HMGCLL1: variants seen among roughly 807,000 people sequenced by gnomAD.
HMGCLL1 encodes 3-hydroxy-3-methylglutaryl-CoA lyase like 1.
HMGCLL1 carries 36 observed loss-of-function variants against 39.1 expected under a neutral mutation model. That is an observed-to-expected ratio of 0.92 (90% confidence interval 0.71 to 1.22). HMGCLL1 has a LOEUF of 1.22. Among genes scored for constraint, HMGCLL1 ranks in the 50% most tolerant of loss-of-function variants. The pLI is 0.00. For synonymous variants in HMGCLL1, 149 were observed against 144.0 expected, an observed-to-expected ratio of 1.03 and a Z score of -0.25; for missense variants, 451 against 416.5, an observed-to-expected ratio of 1.08 and a Z score of -0.72.
At chr6:55,564,599 C>T (rs1581955476) in intron 1 of HMGCLL1, among the ~76,000 whole-genome samples, 1 of 152,066 alleles carries the variant, frequency 6.6e-6, no homozygotes, top group Non-Finnish European at 1.5e-5. Flanking sequence ...CAGAAGTTAT[C>T]CAAGAATTTT....
upstream of HMGCLL1, among the ~76,000 whole-genome samples, chr6:55,580,151 A>G (rs1771948818): frequency 6.6e-6 from 1 of 151,958 alleles, no homozygotes; most frequent in Non-Finnish European, 1.5e-5. Context: ...TAGTATAAAC[A>G]CACAGAAGAA....
the HMGCLL1 span, among the ~76,000 whole-genome samples, chr6:55,604,288 G>A: frequency 6.6e-6 from 1 of 151,898 alleles, no homozygotes; most frequent in Non-Finnish European, 1.5e-5. Context: ...ATTAGTTTGA[G>A]GAAAAGAAAA....
chr6:55,628,906 A>T, the HMGCLL1 span, among the ~76,000 whole-genome samples: 1 of 152,122 alleles, frequency 6.6e-6, no homozygotes, highest in Non-Finnish European at 1.5e-5. Context: ...CTCCTCAGTC[A>T]TGTGGAACTG....
At chr6:55,530,567 T>G (rs1768604898) in intron 3 of HMGCLL1, among the ~76,000 whole-genome samples, 1 of 152,082 alleles carries the variant, frequency 6.6e-6, no homozygotes, top group Non-Finnish European at 1.5e-5. Context: ...TGTTTTTGAT[T>G]TACAGGCATA....
At chr6:55,644,126 T>C in the HMGCLL1 span, among the ~76,000 whole-genome samples, 2 of 152,100 alleles carry the variant, frequency 1.3e-5, no homozygotes, top group African/African-American at 4.8e-5. Flanking sequence ...TTACTCATTG[T>C]AGTTTTGAAT....
intron 3 of HMGCLL1, among the ~76,000 whole-genome samples, chr6:55,529,800 C>T (rs962787341): frequency 1.3e-5 from 2 of 151,946 alleles, no homozygotes; most frequent in African/African-American, 2.4e-5. Context: ...TTATGGTTAT[C>T]GATAGCAACT....
At position 55,577,258 on chromosome 6, in the gene HMGCLL1, A is replaced by G. The variant is rs1484265576; in HGVS notation, c.108+1690T>C. ...AAGATAGAAAAAATCACAATTCAAC[A>G]GTATTGGAACTAAAACAGAATTATT... On this transcript the variant is annotated intron_variant, in intron 1 of 8. Transcript: ENST00000274901. 1.8e-5 allele frequency: 27 copies of G among 1,475,664 alleles called. No individual in the cohort carries two copies. In the South Asian group the frequency reaches 3.0e-4, roughly 16 times the overall value. 91.4% of individuals were successfully genotyped at this position (1,475,664 alleles called of 1,614,324 possible).
At chr6:55,655,677 C>A in the HMGCLL1 span, among the ~76,000 whole-genome samples, 1 of 151,930 alleles carries the variant, frequency 6.6e-6, no homozygotes, top group Non-Finnish European at 1.5e-5. Flanking sequence ...ATTTGTTCCT[C>A]AACTCACTAA....
intron 7 of HMGCLL1, among the ~76,000 whole-genome samples, chr6:55,490,142 T>C (rs1262547975): frequency 6.6e-6 from 1 of 152,126 alleles, no homozygotes; most frequent in Non-Finnish European, 1.5e-5. Context: ...ACTCTGCCTA[T>C]GACCTTTTCA....
the HMGCLL1 span, among the ~76,000 whole-genome samples, chr6:55,663,116 TA>T: frequency 3.1e-4 from 46 of 150,656 alleles, no homozygotes; most frequent in East Asian, 4.1e-3. Flanking sequence ...TCTTATTAAT[TA>T]AAAAAAAACA....
At chr6:55,565,828 G>A (rs548924024) in intron 1 of HMGCLL1, among the ~76,000 whole-genome samples, 1 of 152,048 alleles carries the variant, frequency 6.6e-6, no homozygotes, top group Non-Finnish European at 1.5e-5. Context: ...GAAACCCTGA[G>A]TAACTATATC....
chr6:55,627,880 CTT>C, the HMGCLL1 span, among the ~76,000 whole-genome samples: 77 of 26,364 alleles, frequency 2.9e-3, 3 homozygotes, highest in African/African-American at 0.012. Flanking sequence ...AATAAACTCC[CTT>C]ATATATATAT....
rs1307624791 is a variant in HMGCLL1, at chr6:55,477,362, TATATTA to T, written c.795+18051_795+18056del. ...TATATTATATTTAGATAATATATATTATATTAATATAATATATATTATCTAAATATA... is the reference window on the plus strand; with the variant it reads ...TATATTATATTTAGATAATATATATTATATAATATATATTATCTAAATATA... On this transcript the variant is annotated intron_variant, in intron 7 of 8. Transcript: ENST00000274901. Among the ~76,000 whole-genome samples, 6 of 40,236 alleles carry T rather than the reference TATATTA, an allele frequency of 1.5e-4. 2 individuals are homozygous for T. Among genetic ancestry groups the T allele is most frequent in the Non-Finnish European group, 1.3e-4 (3 of 23,922 alleles). The allele number at this position is 40,236 out of a possible 152,430, so 26.4% of individuals were successfully genotyped here. A position where few individuals can be genotyped will look rare whatever the true frequency, so the allele number is the denominator to read the frequency against.
At chr6:55,631,577 C>T in the HMGCLL1 span, among the ~76,000 whole-genome samples, 1 of 152,044 alleles carries the variant, frequency 6.6e-6, no homozygotes, top group African/African-American at 2.4e-5. Context: ...GCAATATTTG[C>T]ATTTTTCATT....
chr6:55,542,278 C>A (rs1041221381), intron 1 of HMGCLL1, 138 bp from the exon 2 acceptor site: 4 of 528,332 alleles, frequency 7.6e-6, no homozygotes, highest in Admixed American at 7.4e-5. Context: ...ACAATGATAT[C>A]ATGAAAATGC....
At chr6:55,507,578 T>C (rs1175264326) in intron 5 of HMGCLL1, among the ~76,000 whole-genome samples, 2 of 151,880 alleles carry the variant, frequency 1.3e-5, no homozygotes, top group African/African-American at 4.8e-5. Context: ...CATGATTATG[T>C]ACAAAATATT....
intron 7 of HMGCLL1, among the ~76,000 whole-genome samples, chr6:55,482,221 TG>T (rs1246742384): frequency 6.6e-6 from 1 of 152,144 alleles, no homozygotes; most frequent in African/African-American, 2.4e-5. Flanking sequence ...TGAATTAACA[TG>T]GTTTTAGGCA....
At chr6:55,667,101 A>G in the HMGCLL1 span, among the ~76,000 whole-genome samples, 1 of 151,704 alleles carries the variant, frequency 6.6e-6, no homozygotes, top group Non-Finnish European at 1.5e-5. Flanking sequence ...GAGATATTCC[A>G]GATTCTAATT....
the HMGCLL1 span, among the ~76,000 whole-genome samples, chr6:55,629,951 C>A: frequency 6.6e-6 from 1 of 152,138 alleles, no homozygotes; most frequent in Non-Finnish European, 1.5e-5. Flanking sequence ...AGAAACTCTG[C>A]TAGGGCAGTG....
Sources: allele counts gnomAD v4.1 joint callset (sites outside exome capture counted in the v4.1 genomes callset), GRCh38; gene constraint gnomAD v4.1.1; transcripts MANE v1.5; gene names NCBI Gene and HGNC (gene_info 2026-07-23, HGNC 2026-07-21).